TDRD12: variants seen among roughly 807,000 people sequenced by gnomAD.
TDRD12 encodes putative ATP-dependent RNA helicase TDRD12.
TDRD12 carries 158 observed loss-of-function variants against 133.5 expected under a neutral mutation model. The observed-to-expected ratio is 1.18, with a 90% confidence interval of 1.04 to 1.35. The LOEUF (loss-of-function observed/expected upper bound fraction) is 1.35. TDRD12 is among the 40% of genes most tolerant of loss of function. TDRD12 has a pLI of 0.00. For missense variants in TDRD12, 1,443 were observed against 1,321.3 expected (o/e 1.09, Z -1.43); for synonymous variants, 460 against 477.9 (o/e 0.96, Z 0.49).
At chr19:32,801,791 G>A in exon 19 of TDRD12, 1 of 1,465,512 alleles carries the variant, frequency 6.8e-7, no homozygotes, top group Non-Finnish European at 9.2e-7. Flanking sequence ...GCTTGAAGAT[G>A]CATAAAGAAA....
chr19:32,719,931 G>A (rs2145386856), exon 1 of TDRD12: 7 of 1,075,946 alleles, frequency 6.5e-6, no homozygotes, highest in Non-Finnish European at 9.4e-6. Context: ...GGCACCTGCC[G>A]CGGGGGGCCC....
Position 32,790,987 on chromosome 19 carries a change from G to GCCGC in TDRD12, c.1210_1213dup (p.Val405AlafsTer16). On this transcript the variant is annotated frameshift_variant, in exon 13 of 28. Coordinates refer to ENST00000444215, the Ensembl canonical transcript of TDRD12. LOFTEE classifies it high-confidence loss of function. The stretch of plus-strand genomic sequence containing the variant: ...AGTTGCAGAAGCTGAAGGGCCTGCA[G>GCCGC]CCGCCCGTGGTAGTGCTCCGGAACA... 1 of 1,536,058 alleles carries GCCGC rather than the reference G, an allele frequency of 6.5e-7. No individual in the cohort carries two copies. Among genetic ancestry groups the GCCGC allele is most frequent in the Non-Finnish European group, 8.7e-7 (1 of 1,146,900 alleles).
intron 13 of TDRD12, 48 bp from the exon 14 acceptor site, chr19:32,794,580 T>C (rs914067086): frequency 2.9e-6 from 2 of 686,494 alleles, no homozygotes; most frequent in African/African-American, 3.5e-5. Flanking sequence ...GGAGTTTTTG[T>C]TAGTTTTCTC....
exon 1 of TDRD12, chr19:32,719,915 G>T: frequency 1.2e-6 from 1 of 866,254 alleles, no homozygotes; most frequent in South Asian, 1.6e-5. Context: ...GGGACGAGGA[G>T]TGTGGGGCAC....
At chr19:32,731,939 A>T in intron 2 of TDRD12, 56 bp downstream of exon 2, 2 of 1,434,952 alleles carry the variant, frequency 1.4e-6, no homozygotes, top group South Asian at 2.9e-5. Context: ...TCAAAATATA[A>T]ACTATTTTGG....
chr19:32,827,237 C>T (rs1322172616), exon 10 of TDRD12: 8 of 1,231,746 alleles, frequency 6.5e-6, no homozygotes, highest in Middle Eastern at 6.2e-4. Context: ...CAGAGGATGA[C>T]GACAGTGAGA....
intron 27 of TDRD12, among the ~76,000 whole-genome samples, chr19:32,819,009 C>A (rs1238277188): frequency 6.6e-6 from 1 of 151,956 alleles, no homozygotes; most frequent in African/African-American, 2.4e-5. Context: ...CTAAGTTCAG[C>A]TGAAAGGAGG....
chr19:32,819,274 G>A (rs1385822694), intron 27 of TDRD12, among the ~76,000 whole-genome samples: 1 of 149,972 alleles, frequency 6.7e-6, no homozygotes, highest in Non-Finnish European at 1.5e-5. Flanking sequence ...CTGTGATTGT[G>A]CCACTGCACT....
chr19:32,800,408 T>C, intron 17 of TDRD12, 50 bp downstream of exon 17: 1 of 1,344,128 alleles, frequency 7.4e-7, no homozygotes, highest in Non-Finnish European at 9.8e-7. Flanking sequence ...TGTGTATGTG[T>C]TGGTGGGGGG....
Position 32,826,433 on chromosome 19 carries a change from T to G in TDRD12, c.896-12T>G. On this transcript the variant is annotated splice_polypyrimidine_tract_variant and intron_variant, in intron 8 of 9. Coordinates refer to the TDRD12 transcript ENST00000637289. ...TTTAAAAGGCTGACTTTATTTCTTT[T>G]TATAAACCCAGTGCTTGGGTGGGAG... 11 of 1,248,530 alleles carry G rather than the reference T, an allele frequency of 8.8e-6. No homozygotes were observed. Among genetic ancestry groups the G allele is most frequent in the Non-Finnish European group, 1.1e-5 (11 of 997,386 alleles). The allele number at this position is 1,248,530 out of a possible 1,614,324, so 77.3% of individuals were successfully genotyped here.
At position 32,732,012 on chromosome 19, in the gene TDRD12, G is replaced by GT. The variant is rs199904623; in HGVS notation, c.183+138dup. On this transcript the variant is annotated intron_variant, in intron 2 of 27. Transcript: ENST00000444215. ...TCTTACACTCAGTGCCTTGTGTTAG[G>GT]TTTTTTTTTGAGATGGAGTCTCGCT... is the stretch of plus-strand genomic sequence containing the variant. The GT allele has an allele frequency of 3.0e-3, 2,730 of 916,138 alleles. 5 individuals carry two copies. The highest frequency in any genetic ancestry group is 0.013 in the African/African-American group (737 of 57,590). 56.8% of individuals were successfully genotyped at this position (916,138 alleles called of 1,614,324 possible).
intron 11 of TDRD12, among the ~76,000 whole-genome samples, chr19:32,781,707 C>CTG (rs1425143692): frequency 6.6e-6 from 1 of 151,750 alleles, no homozygotes; most frequent in Admixed American, 6.6e-5. Flanking sequence ...CTCTCTCTCT[C>CTG]TCTCTGGAAG....
At chr19:32,753,871 C>T (rs535116036) in intron 6 of TDRD12, among the ~76,000 whole-genome samples, 11 of 151,910 alleles carry the variant, frequency 7.2e-5, no homozygotes, top group Non-Finnish European at 1.5e-4. Flanking sequence ...TCTCGTTGGC[C>T]GCAGTCTACG....
At chr19:32,775,158 A>G (rs1300402761) in intron 10 of TDRD12, among the ~76,000 whole-genome samples, 1 of 152,096 alleles carries the variant, frequency 6.6e-6, no homozygotes, top group African/African-American at 2.4e-5. Flanking sequence ...TGATGAAACA[A>G]ATGTCAGATA....
intron 8 of TDRD12, among the ~76,000 whole-genome samples, chr19:32,766,319 A>G (rs1385742634): frequency 1.3e-5 from 2 of 152,196 alleles, no homozygotes; most frequent in African/African-American, 4.8e-5. Flanking sequence ...TGAAATAAGC[A>G]CATCATGGAG....
At chr19:32,726,271 T>G (rs551452583) in intron 1 of TDRD12, among the ~76,000 whole-genome samples, 3 of 152,120 alleles carry the variant, frequency 2.0e-5, no homozygotes, top group East Asian at 3.9e-4. Context: ...TAGTAGAGAC[T>G]GGGTTTCACT....
chr19:32,789,175 G>T (rs929577953), intron 11 of TDRD12, among the ~76,000 whole-genome samples: 1 of 152,126 alleles, frequency 6.6e-6, no homozygotes, highest in African/African-American at 2.4e-5. Context: ...CTTTCTGAAG[G>T]TTGTTCTCTG....
Position 32,790,680 on chromosome 19 carries a change from G to C in TDRD12, c.1182+89G>C. ...TTCTCCTTCCTCCCTCCAGACTTGA[G>C]ATTAGAAGAGAAACTCCTTAGATGG... On this transcript the variant is annotated intron_variant, in intron 12 of 27. Coordinates refer to ENST00000444215, the Ensembl canonical transcript of TDRD12. 1.9e-6 allele frequency: 3 copies of C among 1,551,514 alleles called. No homozygotes were observed. The South Asian group carries it at 3.6e-5, about 18-fold the overall frequency.
At chr19:32,756,224 A>G (rs1969987571) in intron 7 of TDRD12, 43 bp downstream of exon 7, 6 of 1,369,914 alleles carry the variant, frequency 4.4e-6, no homozygotes, top group Non-Finnish European at 5.7e-6. Flanking sequence ...ACATTGTTTT[A>G]TTAATAATCT....
Sources: gnomAD v4.1 joint callset for allele counts (sites outside exome capture counted in the v4.1 genomes callset) on GRCh38, gnomAD v4.1.1 for gene constraint, MANE v1.5 for transcripts, NCBI Gene and HGNC (gene_info 2026-07-23, HGNC 2026-07-21) for gene names.